The following CIPC variants were observed in gnomAD, a reference collection of about 807,000 sequenced individuals.
The protein encoded by CIPC is CLOCK-interacting pacemaker.
A neutral mutation model predicts 26.7 loss-of-function variants in CIPC; 12 were observed. The observed-to-expected ratio is 0.45, with a 90% CI of 0.29 to 0.73. The LOEUF (loss-of-function observed/expected upper bound fraction) is 0.73. Ranked by LOEUF, CIPC falls within the 30% of genes least tolerant of loss-of-function variation. The pLI, the probability that CIPC is intolerant of heterozygous loss-of-function variation, is 0.12. For missense variants in CIPC, 417 were observed against 486.5 expected, an observed-to-expected ratio of 0.86 and a Z score of 1.34; for synonymous variants, 170 against 189.8, an observed-to-expected ratio of 0.90 and a Z score of 0.86.
chr14:77,116,035 A>G lies in CIPC; in HGVS notation c.*1717A>G, dbSNP rs1886806903. On this transcript the variant is annotated 3_prime_UTR_variant, in exon 4 of 4. Coordinates refer to ENST00000361786, the MANE Select transcript of CIPC (RefSeq NM_033426.3). Reference sequence around the variant, plus strand: ...AAGTTTTACCAAGACCAGAAGTTAAATATGACATTTCCTAGGTAGTTGTAA... The same window carrying G: ...AAGTTTTACCAAGACCAGAAGTTAAGTATGACATTTCCTAGGTAGTTGTAA... The G allele has an allele frequency of 6.6e-6, 1 of 152,228 alleles. No individual in the cohort carries two copies. The highest frequency in any genetic ancestry group is 1.5e-5 in the Non-Finnish European group (1 of 68,034). The allele number at this position is 152,228 out of a possible 1,614,324, so 9.4% of individuals were successfully genotyped here. A position where few individuals can be genotyped will look rare whatever the true frequency, so the allele number is the denominator to read the frequency against.
chr14:77,104,594 C>G (rs1287273031), intron 1 of CIPC, among the ~76,000 whole-genome samples: 1 of 151,760 alleles, frequency 6.6e-6, no homozygotes. Flanking sequence ...CCTGGCCTTT[C>G]AGTTCTTTGT....
intron 2 of CIPC, 23 bp downstream of exon 2, chr14:77,105,867 T>G (rs2140028917): frequency 6.2e-7 from 1 of 1,612,456 alleles, no homozygotes; most frequent in East Asian, 2.2e-5. Context: ...TTATCCTTCC[T>G]CTGTTTTGTG....
At chr14:77,102,624 TG>T (rs1886512101) in intron 1 of CIPC, among the ~76,000 whole-genome samples, 1 of 152,190 alleles carries the variant, frequency 6.6e-6, no homozygotes, top group Non-Finnish European at 1.5e-5. Context: ...AAGACTAAAT[TG>T]GGATGCATTA....
chr14:77,102,430 A>G (rs2661831), intron 1 of CIPC, among the ~76,000 whole-genome samples: 147,736 of 152,318 alleles, frequency 0.97, 71,771 homozygotes, highest in East Asian at 1. Context: ...TGGGAGTATT[A>G]TTTTCTGAGC....
At chr14:77,108,662 G>A (rs1657770536) in intron 2 of CIPC, among the ~76,000 whole-genome samples, 1 of 151,870 alleles carries the variant, frequency 6.6e-6, no homozygotes, top group African/African-American at 2.4e-5. Context: ...TTGCACTACA[G>A]CCTGGGCAAC....
In CIPC at chr14:77,114,157, C is replaced by A; in HGVS notation, c.1039C>A (p.Gln347Lys). The A allele has an allele frequency of 6.2e-7, 1 of 1,614,136 alleles. No homozygotes were observed. The highest frequency in any genetic ancestry group is 8.5e-7 in the Non-Finnish European group (1 of 1,180,030). The change falls in exon 4 of 4, where the codon CAG (glutamine) becomes AAG (lysine). Residue 347 changes from glutamine (Q) to lysine (K), a missense_variant. Transcript: ENST00000361786. ...KELIRQNQAT[Q>K]VELDQLKEQT... is the part of the protein sequence containing the mutation. ...GTTGATTCGTCAGAATCAGGCAACT[C>A]AGGTAGAACTAGACCAGCTAAAGGA...
At chr14:77,100,590 T>A (rs2140024312) in intron 1 of CIPC, among the ~76,000 whole-genome samples, 1 of 149,478 alleles carries the variant, frequency 6.7e-6, no homozygotes, top group South Asian at 2.1e-4. Flanking sequence ...TTTTTTCTTT[T>A]GACGGAGTCT....
In CIPC at chr14:77,113,565, C is replaced by T; in HGVS notation, c.447C>T (p.Asp149=). The change falls in exon 4 of 4, where the codon GAC becomes GAT. Residue 149 remains aspartate, a synonymous_variant. Transcript: ENST00000361786. The part of the protein sequence containing the change: ...SPCHTGEKKS[D]SRNYLPILNS... ...GTCACACTGGTGAGAAAAAGTCCGA[C>T]TCCAGGAACTACTTGCCCATTCTGA... The T allele has an allele frequency of 6.2e-7, 1 of 1,614,240 alleles. No individual in the cohort carries two copies. The highest frequency in any genetic ancestry group is 8.5e-7 in the Non-Finnish European group (1 of 1,180,050).
rs769804463 is a variant in CIPC at position 77,109,950 on chromosome 14, T to C, written c.275T>C (p.Met92Thr). The stretch of plus-strand genomic sequence containing the variant: ...AATGCCTTCCCTACCCTGTCTCCCA[T>C]GGTCGTCATGAAGAATGTGCTTGTC... ...AKNAFPTLSPMVVMKNVLVKQ... is the reference protein window; with the variant it reads ...AKNAFPTLSPTVVMKNVLVKQ... Residue 92 changes from methionine to threonine, a missense_variant, in exon 3 of 4, where the codon ATG becomes ACG. By Grantham distance (81) the Met-to-Thr change is moderately conservative (BLOSUM62 -1). Coordinates refer to ENST00000361786, the MANE Select transcript of CIPC (RefSeq NM_033426.3). The C allele has an allele frequency of 1.9e-6, 3 of 1,614,192 alleles. No homozygotes were observed. The highest frequency in any genetic ancestry group is 2.7e-5 in the African/African-American group (2 of 75,060).
intron 2 of CIPC, among the ~76,000 whole-genome samples, chr14:77,109,053 A>G (rs2140032037): frequency 6.6e-6 from 1 of 152,194 alleles, no homozygotes; most frequent in African/African-American, 2.4e-5. Flanking sequence ...CATTTCCTTT[A>G]TGTGCAGAAT....
rs1407777419 is a variant in CIPC at position 77,114,243 on chromosome 14, G to A, written c.1125G>A (p.Leu375=). The change falls in exon 4 of 4, where the codon CTG becomes CTA. Residue 375 remains leucine, a synonymous_variant. Coordinates refer to ENST00000361786, the MANE Select transcript of CIPC (RefSeq NM_033426.3). ...KSRAPQAWAK[L]QASLTPGSSN... ...GGGCCCCTCAGGCTTGGGCCAAGCT[G>A]CAGGCATCTTTAACACCTGGGTCCA... 1 of 1,613,962 alleles carries A rather than the reference G, an allele frequency of 6.2e-7. No homozygotes were observed.
At chr14:77,103,437 T>C (rs1566804031) in intron 1 of CIPC, among the ~76,000 whole-genome samples, 1 of 152,074 alleles carries the variant, frequency 6.6e-6, no homozygotes, top group Non-Finnish European at 1.5e-5. Flanking sequence ...CAGGATAGAG[T>C]CAGGAGTGCA....
chr14:77,102,103 A>G (rs1434530175), intron 1 of CIPC, among the ~76,000 whole-genome samples: 2 of 151,820 alleles, frequency 1.3e-5, no homozygotes, highest in Non-Finnish European at 2.9e-5. Flanking sequence ...AAACAAAACA[A>G]AAACAAAAAG....
chr14:77,114,411 C>T lies in CIPC; in HGVS notation c.*93C>T, dbSNP rs1218539864. On this transcript the variant is annotated 3_prime_UTR_variant, in exon 4 of 4. Coordinates refer to ENST00000361786, the MANE Select transcript of CIPC (RefSeq NM_033426.3). ...TCCCAAAGCTTATGTAAGAGCTTTT[C>T]CTTCTAAACTTAAACTGTGTTGTGG... 3 of 1,326,246 alleles carry T rather than the reference C, an allele frequency of 2.3e-6. No homozygotes were observed. The highest frequency in any genetic ancestry group is 3.1e-6 in the Non-Finnish European group (3 of 963,674). The allele number at this position is 1,326,246 out of a possible 1,614,324, so 82.2% of individuals were successfully genotyped here. A position where few individuals can be genotyped will look rare whatever the true frequency, so the allele number is the denominator to read the frequency against.
intron 2 of CIPC, among the ~76,000 whole-genome samples, chr14:77,108,429 C>T (rs1886633504): frequency 6.6e-6 from 1 of 152,138 alleles, no homozygotes; most frequent in Non-Finnish European, 1.5e-5. Flanking sequence ...CGTTGCCTCA[C>T]ACCTGTAATC....
At chr14:77,102,254 C>T (rs185970130) in intron 1 of CIPC, among the ~76,000 whole-genome samples, 28 of 152,256 alleles carry the variant, frequency 1.8e-4, no homozygotes, top group African/African-American at 6.3e-4. Context: ...TTATGATCTG[C>T]TATCGGACAA....
intron 1 of CIPC, among the ~76,000 whole-genome samples, chr14:77,104,998 G>T (rs1242251870): frequency 6.6e-6 from 1 of 152,210 alleles, no homozygotes; most frequent in Non-Finnish European, 1.5e-5. Context: ...TGAGGCTCAA[G>T]TGAGATAACA....
At chr14:77,110,964 T>C (rs1253898283) in intron 3 of CIPC, among the ~76,000 whole-genome samples, 1 of 152,220 alleles carries the variant, frequency 6.6e-6, no homozygotes, top group Non-Finnish European at 1.5e-5. Context: ...CAAGGCAGAC[T>C]GGTGAGTTCT....
At chr14:77,107,608 TTC>T (rs760497903) in intron 2 of CIPC, among the ~76,000 whole-genome samples, 3 of 146,212 alleles carry the variant, frequency 2.1e-5, no homozygotes, top group Non-Finnish European at 4.5e-5. Flanking sequence ...CATATATGCT[TTC>T]TCTCTCTCGC....
Sources: allele counts gnomAD v4.1 joint callset (sites outside exome capture counted in the v4.1 genomes callset), GRCh38; gene constraint gnomAD v4.1.1; transcripts MANE v1.5; gene names NCBI Gene and HGNC (gene_info 2026-07-23, HGNC 2026-07-21).